Variants in SLC15A4 observed in about 807,000 individuals in gnomAD.
The protein encoded by SLC15A4 is solute carrier family 15 member 4.
Under a neutral mutation model 46.1 loss-of-function variants are expected in SLC15A4, and 26 were observed. The ratio of observed to expected loss-of-function variants is 0.56; its 90% CI spans 0.41 to 0.78. The LOEUF is 0.78. SLC15A4 is among the 30% of genes least tolerant of loss of function. The probability of loss-of-function intolerance (pLI) is 0.00; values close to 1 mark genes in which losing one functional copy is unlikely to be tolerated. For missense variants in SLC15A4, 751 were observed against 755.7 expected, an observed-to-expected ratio of 0.99 and a Z score of 0.07; for synonymous variants, 370 against 333.4, an observed-to-expected ratio of 1.11 and a Z score of -1.20.
chr12:128,806,927 C>G, intron 5 of SLC15A4, among the ~76,000 whole-genome samples: 1 of 104,596 alleles, frequency 9.6e-6, no homozygotes, highest in Non-Finnish European at 1.8e-5. Flanking sequence ...TTTTTTGAGA[C>G]GGTATCTTGC....
At chr12:128,806,331 A>C (rs2170988) in intron 5 of SLC15A4, among the ~76,000 whole-genome samples, 14,403 of 152,204 alleles carry the variant, frequency 0.095, 930 homozygotes, top group Admixed American at 0.2. Flanking sequence ...AACGTCACTA[A>C]TAACGTGTTA....
chr12:128,818,078 GAAA>G (rs35552623), intron 1 of SLC15A4, among the ~76,000 whole-genome samples: 3 of 143,654 alleles, frequency 2.1e-5, no homozygotes, highest in Non-Finnish European at 3.1e-5. Context: ...TTTTCCTCTA[GAAA>G]AAAAAAAAAT....
rs769114085 is a variant in SLC15A4, at chr12:128,823,569, C to T, written c.375G>A (p.Ala125=). 1.7e-5 allele frequency: 24 copies of T among 1,441,118 alleles called. No individual in the cohort carries two copies. Among genetic ancestry groups the T allele is most frequent in the Non-Finnish European group, 2.0e-5 (22 of 1,105,010 alleles). The allele number at this position is 1,441,118 out of a possible 1,614,324, so 89.3% of individuals were successfully genotyped here. A position where few individuals can be genotyped will look rare whatever the true frequency, so the allele number is the denominator to read the frequency against. The part of the protein sequence containing the change: ...LGMLAFPLLA[A]PATRAALCGS... Reference sequence around the variant, plus strand: ...CGCAGAGCGCGGCTCGCGTGGCGGGCGCGGCCAGCAGCGGGAAGGCCAGCA... The same window carrying T: ...CGCAGAGCGCGGCTCGCGTGGCGGGTGCGGCCAGCAGCGGGAAGGCCAGCA... Residue 125 remains alanine (A), a synonymous_variant, in exon 1 of 8, where the codon GCG becomes GCA. Coordinates refer to ENST00000266771, the MANE Select transcript of SLC15A4 (RefSeq NM_145648.4).
chr12:128,794,195 G>T lies in SLC15A4; in HGVS notation c.*1C>A. On this transcript the variant is annotated 3_prime_UTR_variant, in exon 8 of 8. Transcript: ENST00000266771. ...AGAAACCGCACATGGCCTCAGGAAG[G>T]TCAGGCCCTCCTGCTGGTGGGCACG... 6.2e-7 allele frequency: 1 copy of T among 1,610,530 alleles called. No individual in the cohort carries two copies. The highest frequency in any genetic ancestry group is 8.5e-7 in the Non-Finnish European group (1 of 1,177,752).
At chr12:128,810,808 G>C (rs890464200) in intron 2 of SLC15A4, among the ~76,000 whole-genome samples, 6 of 152,156 alleles carry the variant, frequency 3.9e-5, no homozygotes, top group African/African-American at 1.4e-4. Context: ...TAACCATGTG[G>C]TGTTAAAACT....
Position 128,823,497 on chromosome 12 carries a change from G to A in SLC15A4, c.447C>T (p.Ala149=). 1.3e-6 allele frequency: 2 copies of A among 1,484,612 alleles called. No individual in the cohort carries two copies. Among genetic ancestry groups the A allele is most frequent in the Non-Finnish European group, 8.9e-7 (1 of 1,124,548 alleles). 92.0% of individuals were successfully genotyped at this position (1,484,612 alleles called of 1,614,324 possible). A position where few individuals can be genotyped will look rare whatever the true frequency, so the allele number is the denominator to read the frequency against. Residue 149 remains alanine (A), a synonymous_variant, in exon 1 of 8, where the codon GCC becomes GCT. Coordinates refer to ENST00000266771, the MANE Select transcript of SLC15A4 (RefSeq NM_145648.4). ...AGGTGGCCGGTGAGCAGCAGCGGGCGGCGGCGTCGGGACCAGGCGCCGTGC... is the reference window on the plus strand; with the variant it reads ...AGGTGGCCGGTGAGCAGCAGCGGGCAGCGGCGTCGGGACCAGGCGCCGTGC... The part of the protein sequence containing the change: ...LNCTAPGPDA[A]ARCCSPATFA...
At chr12:128,794,551 C>T (rs1955423573) in intron 7 of SLC15A4, among the ~76,000 whole-genome samples, 195 bp from the exon 8 acceptor site, 1 of 152,228 alleles carries the variant, frequency 6.6e-6, no homozygotes, top group Non-Finnish European at 1.5e-5. Context: ...AAGTCAGATA[C>T]ATCGCCACCG....
At chr12:128,811,661 A>T (rs1955658080) in intron 2 of SLC15A4, among the ~76,000 whole-genome samples, 2 of 152,246 alleles carry the variant, frequency 1.3e-5, no homozygotes, top group African/African-American at 4.8e-5. Context: ...TTTTTCAAAA[A>T]GGAAATTAAA....
chr12:128,814,675 C>A, intron 2 of SLC15A4, 100 bp downstream of exon 2: 3 of 1,279,888 alleles, frequency 2.3e-6, no homozygotes, highest in South Asian at 2.7e-5. Context: ...TCAGCCCAGG[C>A]CCAGCACACA....
rs939588972 is a variant in SLC15A4 at position 128,815,249 on chromosome 12, T to A, written c.547-179A>T. ...CTCAACAAAAAGCACACCCCACGCT[T>A]TTAATTACTACAGTTGCTAGGTAGG... On this transcript the variant is annotated intron_variant, in intron 1 of 7. Coordinates refer to ENST00000266771, the MANE Select transcript of SLC15A4 (RefSeq NM_145648.4). 8 of 612,406 alleles carry A rather than the reference T, an allele frequency of 1.3e-5. No homozygotes were observed. In the African/African-American group the frequency reaches 1.5e-4, roughly 11 times the overall value. 37.9% of individuals were successfully genotyped at this position (612,406 alleles called of 1,614,324 possible).
At chr12:128,804,522 GA>G in intron 5 of SLC15A4, among the ~76,000 whole-genome samples, 2 of 152,188 alleles carry the variant, frequency 1.3e-5, no homozygotes, top group Non-Finnish European at 2.9e-5. Flanking sequence ...ACAAGGTCAG[GA>G]GTTCGAGACC....
chr12:128,823,523 A>C lies in SLC15A4; in HGVS notation c.421T>G (p.Cys141Gly), dbSNP rs1326984905. ...GCGGCGTCGGGACCAGGCGCCGTGC[A>C]GTTGAGCAGGCGCGCGGAACCGCAG... The part of the protein sequence containing the change: ...ALCGSARLLN[C>G]TAPGPDAAAR... The change falls in exon 1 of 8, where the codon TGC becomes GGC. Residue 141 changes from cysteine to glycine, a missense_variant. Transcript: ENST00000266771. The C allele has an allele frequency of 4.7e-6, 7 of 1,476,308 alleles. No individual in the cohort carries two copies. Among genetic ancestry groups the C allele is most frequent in the Non-Finnish European group, 6.2e-6 (7 of 1,121,042 alleles). 91.5% of individuals were successfully genotyped at this position (1,476,308 alleles called of 1,614,324 possible).
At chr12:128,796,033 T>C (rs1955438471) in intron 7 of SLC15A4, among the ~76,000 whole-genome samples, 1 of 152,238 alleles carries the variant, frequency 6.6e-6, no homozygotes, top group Non-Finnish European at 1.5e-5. Flanking sequence ...TCCTTTCTTC[T>C]GAAGACCTTT....
chr12:128,818,025 A>C (rs1461965804), intron 1 of SLC15A4, among the ~76,000 whole-genome samples: 1 of 152,158 alleles, frequency 6.6e-6, no homozygotes, highest in Non-Finnish European at 1.5e-5. Context: ...CAGCATACCA[A>C]ACAGTTGGCT....
intron 7 of SLC15A4, among the ~76,000 whole-genome samples, chr12:128,796,190 C>A (rs1955439894): frequency 6.6e-6 from 1 of 151,998 alleles, no homozygotes; most frequent in Non-Finnish European, 1.5e-5. Flanking sequence ...TTTGGGAGGC[C>A]AAGGTGGGTG....
chr12:128,821,918 T>C (rs956972076), intron 1 of SLC15A4, among the ~76,000 whole-genome samples: 5 of 150,954 alleles, frequency 3.3e-5, no homozygotes, highest in African/African-American at 1.2e-4. Context: ...AAAGAAAATA[T>C]TAAGAACCAT....
At chr12:128,819,233 G>A (rs58388182) in intron 1 of SLC15A4, among the ~76,000 whole-genome samples, 5,683 of 152,000 alleles carry the variant, frequency 0.037, 311 homozygotes, top group African/African-American at 0.13. Flanking sequence ...GTGAAACCCC[G>A]TCTCTATTAA....
chr12:128,810,002 G>C lies in SLC15A4; in HGVS notation c.952C>G (p.Leu318Val). ...TEEKVEDVKALVKIVPVFLAL... is the reference protein window; with the variant it reads ...TEEKVEDVKAVVKIVPVFLAL... ...AAGAAAACAGGGACAATCTTGACCA[G>C]AGCTTTCACATCTTCCACTTTCTCT... Residue 318 changes from leucine to valine, a missense_variant, in exon 3 of 8, where the codon CTG becomes GTG. Coordinates refer to ENST00000266771, the MANE Select transcript of SLC15A4 (RefSeq NM_145648.4). 6.2e-7 allele frequency: 1 copy of C among 1,614,178 alleles called. No individual in the cohort carries two copies. The highest frequency in any genetic ancestry group is 2.2e-5 in the East Asian group (1 of 44,870).
intron 5 of SLC15A4, chr12:128,801,228 G>A (rs1000322572): frequency 7.7e-5 from 33 of 427,312 alleles, no homozygotes; most frequent in South Asian, 5.1e-4. Flanking sequence ...ATTTCACTTC[G>A]GCTTTTTACA....
Sources: gnomAD v4.1 joint callset for allele counts (sites outside exome capture counted in the v4.1 genomes callset) on GRCh38, gnomAD v4.1.1 for gene constraint, MANE v1.5 for transcripts, NCBI Gene and HGNC (gene_info 2026-07-23, HGNC 2026-07-21) for gene names.